GDI2: variants seen among roughly 807,000 people sequenced by gnomAD.
The protein encoded by GDI2 is rab GDP dissociation inhibitor beta.
A neutral mutation model predicts 54.2 loss-of-function variants in GDI2; 22 were observed. The observed-to-expected ratio is 0.41, with a 90% CI of 0.29 to 0.58. The LOEUF (loss-of-function observed/expected upper bound fraction) is 0.58. GDI2 is among the 20% of genes least tolerant of loss of function. The probability of loss-of-function intolerance (pLI) is 0.35; values close to 1 mark genes in which losing one functional copy is unlikely to be tolerated. For missense variants in GDI2, 422 were observed against 546.0 expected (o/e 0.77, Z 2.26); for synonymous variants, 177 against 182.1 (o/e 0.97, Z 0.23).
intron 4 of GDI2, among the ~76,000 whole-genome samples, chr10:5,790,263 T>C (rs574365689): frequency 6.6e-6 from 1 of 152,350 alleles, no homozygotes; most frequent in African/African-American, 2.4e-5. Flanking sequence ...AGTATGGTAC[T>C]GTAAATGTAC....
At chr10:5,800,037 A>G (rs900625553) in intron 2 of GDI2, among the ~76,000 whole-genome samples, 3 of 152,216 alleles carry the variant, frequency 2.0e-5, no homozygotes, top group Non-Finnish European at 4.4e-5. Context: ...GTCATTGATG[A>G]TATCTATCTC....
chr10:5,812,436 C>T (rs1410872804), intron 1 of GDI2, among the ~76,000 whole-genome samples: 3 of 152,134 alleles, frequency 2.0e-5, no homozygotes, highest in Non-Finnish European at 4.4e-5. Context: ...CCATCACCAA[C>T]CCAATTCTTA....
intron 1 of GDI2, among the ~76,000 whole-genome samples, chr10:5,805,549 T>C (rs1000586476): frequency 6.6e-6 from 1 of 151,938 alleles, no homozygotes; most frequent in Non-Finnish European, 1.5e-5. Context: ...CCTGCCAAAT[T>C]TTTTAATTTT....
chr10:5,792,959 CAAAAAAAAAAA>C (rs34475268), intron 4 of GDI2, among the ~76,000 whole-genome samples: 8 of 92,012 alleles, frequency 8.7e-5, no homozygotes, highest in Non-Finnish European at 1.9e-4. Context: ...GACCTTTGTC[CAAAAAAAAAAA>C]AAAAAAAAAT....
intron 1 of GDI2, among the ~76,000 whole-genome samples, chr10:5,811,437 T>C (rs1841477910): frequency 6.6e-6 from 1 of 152,182 alleles, no homozygotes; most frequent in Non-Finnish European, 1.5e-5. Context: ...CAAAGTGATG[T>C]GAACGAGGCT....
At chr10:5,806,556 T>C (rs532665162) in intron 1 of GDI2, among the ~76,000 whole-genome samples, 3 of 152,306 alleles carry the variant, frequency 2.0e-5, no homozygotes, top group Non-Finnish European at 4.4e-5. Flanking sequence ...ATATAAATCC[T>C]TTATTAGTTA....
chr10:5,813,148 C>A, intron 1 of GDI2, 66 bp downstream of exon 1: 1 of 963,380 alleles, frequency 1.0e-6, no homozygotes, highest in Non-Finnish European at 1.5e-6. Context: ...ACCCGCGGGC[C>A]GTGCAGGAGC....
intron 6 of GDI2, among the ~76,000 whole-genome samples, chr10:5,779,324 A>G (rs1260687642): frequency 6.6e-6 from 1 of 151,986 alleles, no homozygotes. Flanking sequence ...CCTGGCCAAC[A>G]TGGTGAAACC....
intron 6 of GDI2, among the ~76,000 whole-genome samples, chr10:5,781,200 A>AC (rs1840746093): frequency 6.6e-6 from 1 of 151,504 alleles, no homozygotes; most frequent in Admixed American, 6.6e-5. Context: ...CTCAAGTCTT[A>AC]CCTCATCCCA....
At chr10:5,778,487 G>A (rs763252871) in intron 6 of GDI2, among the ~76,000 whole-genome samples, 9 of 152,138 alleles carry the variant, frequency 5.9e-5, no homozygotes, top group Middle Eastern at 3.2e-3. Flanking sequence ...GAAACTATAC[G>A]TGTGTGCCAC....
intron 6 of GDI2, among the ~76,000 whole-genome samples, chr10:5,781,353 C>T (rs184132754): frequency 1.1e-4 from 16 of 151,692 alleles, no homozygotes; most frequent in Non-Finnish European, 2.1e-4. Flanking sequence ...TAGGGCCAGG[C>T]GCAGTGGCTC....
chr10:5,795,791 T>C (rs564917865), intron 3 of GDI2, among the ~76,000 whole-genome samples: 1 of 152,140 alleles, frequency 6.6e-6, no homozygotes, highest in African/African-American at 2.4e-5. Context: ...ATTAGCCAGG[T>C]GTGGTGGAAC....
At chr10:5,807,133 C>T (rs1368607787) in intron 1 of GDI2, among the ~76,000 whole-genome samples, 1 of 152,232 alleles carries the variant, frequency 6.6e-6, no homozygotes, top group Non-Finnish European at 1.5e-5. Flanking sequence ...TGCTTCCACA[C>T]TGCTAAAAGA....
intron 6 of GDI2, among the ~76,000 whole-genome samples, chr10:5,780,054 CAA>C (rs747393982): frequency 2.0e-5 from 3 of 151,694 alleles, no homozygotes; most frequent in East Asian, 3.9e-4. Flanking sequence ...TACCAAAATA[CAA>C]AAGTTAGCCA....
Position 5,813,430 on chromosome 10 carries a change from G to C in GDI2, c.-172C>G, listed in dbSNP as rs966881815. On this transcript the variant is annotated 5_prime_UTR_variant, in exon 1 of 11. Transcript: ENST00000380191. ...ACCGCCACCTCAGACGGGAAGAGAA[G>C]AACTGGGCGGGGAGAGGAGGGGAGG... The C allele has an allele frequency of 2.6e-5, 8 of 303,068 alleles. No homozygotes were observed. The highest frequency in any genetic ancestry group is 1.3e-4 in the East Asian group (1 of 7,812). The allele number at this position is 303,068 out of a possible 1,614,324, so 18.8% of individuals were successfully genotyped here.
At chr10:5,792,948 C>A (rs1383783240) in intron 4 of GDI2, among the ~76,000 whole-genome samples, 3 of 141,804 alleles carry the variant, frequency 2.1e-5, no homozygotes, top group Admixed American at 7.2e-5. Context: ...AAAGAACCCA[C>A]GACCTTTGTC....
At chr10:5,788,893 G>A (rs1465956057) in intron 4 of GDI2, among the ~76,000 whole-genome samples, 1 of 151,984 alleles carries the variant, frequency 6.6e-6, no homozygotes, top group Non-Finnish European at 1.5e-5. Flanking sequence ...ATCCCGAGTA[G>A]CTAGGATTAA....
chr10:5,812,851 A>G (rs1333652697), intron 1 of GDI2, among the ~76,000 whole-genome samples: 1 of 152,166 alleles, frequency 6.6e-6, no homozygotes, highest in African/African-American at 2.4e-5. Flanking sequence ...GCTGGTTTCC[A>G]ACCGGGCGAG....
intron 1 of GDI2, among the ~76,000 whole-genome samples, chr10:5,805,724 C>G (rs1252818557): frequency 6.6e-6 from 1 of 152,182 alleles, no homozygotes; most frequent in Non-Finnish European, 1.5e-5. Flanking sequence ...GGACCAATTT[C>G]AAGAATTACT....
Sources: allele counts gnomAD v4.1 joint callset (sites outside exome capture counted in the v4.1 genomes callset), GRCh38; gene constraint gnomAD v4.1.1; transcripts MANE v1.5; gene names NCBI Gene and HGNC (gene_info 2026-07-23, HGNC 2026-07-21).